Variants in RBFOX3 observed in about 807,000 individuals in gnomAD.
RBFOX3 encodes the protein RNA binding fox-1 homolog 3, also known as RNA binding protein fox-1 homolog 3.
In RBFOX3, 17 loss-of-function variants were observed where a neutral mutation model predicts 48.7. That is an observed-to-expected ratio of 0.35 (90% confidence interval 0.24 to 0.52). RBFOX3 has a LOEUF of 0.52. RBFOX3 is among the 20% of genes least tolerant of loss of function. The pLI is 0.94. For synonymous variants in RBFOX3, 212 were observed against 209.5 expected (o/e 1.01, Z -0.10); for missense variants, 382 against 497.5 (o/e 0.77, Z 2.21).
chr17:79,563,631 T>C (rs2092341548), intron 1 of RBFOX3, among the ~76,000 whole-genome samples: 1 of 152,226 alleles, frequency 6.6e-6, no homozygotes, highest in South Asian at 2.1e-4. Flanking sequence ...ACTCGTGAGA[T>C]GAGTTTCCTT....
chr17:79,573,640 G>A (rs1166747211), intron 1 of RBFOX3, among the ~76,000 whole-genome samples: 1 of 152,212 alleles, frequency 6.6e-6, no homozygotes, highest in Non-Finnish European at 1.5e-5. Flanking sequence ...GATTGCTGCT[G>A]AGAACCTCAT....
intron 2 of RBFOX3, among the ~76,000 whole-genome samples, chr17:79,462,880 G>A (rs905096910): frequency 1.3e-5 from 2 of 152,134 alleles, no homozygotes; most frequent in African/African-American, 4.8e-5. Flanking sequence ...CTTCTTCTGG[G>A]ACACTCTCAG....
intron 4 of RBFOX3, among the ~76,000 whole-genome samples, chr17:79,179,576 C>T (rs2051404714): frequency 6.6e-6 from 1 of 152,136 alleles, no homozygotes; most frequent in Admixed American, 6.5e-5. Flanking sequence ...ACTCACAGCC[C>T]TCTCCCCCGG....
chr17:79,438,727 G>A (rs1456155618), intron 2 of RBFOX3, among the ~76,000 whole-genome samples: 1 of 152,228 alleles, frequency 6.6e-6, no homozygotes, highest in Non-Finnish European at 1.5e-5. Flanking sequence ...ATCAGTTCCC[G>A]AGGGCACTCA....
intron 1 of RBFOX3, among the ~76,000 whole-genome samples, chr17:79,500,986 G>A (rs2082303440): frequency 1.3e-5 from 2 of 152,174 alleles, no homozygotes; most frequent in Non-Finnish European, 2.9e-5. Flanking sequence ...AATTTGCTGT[G>A]GAAATCACTG....
rs970978823 is a variant in RBFOX3 at position 79,252,938 on chromosome 17, C to T, written c.-73-17133G>A. ...CCGGCAAGCCCCAGCCCCCTAAACCCGCAGCCTTCTTTGCCGTCTACACTC... is the reference window on the plus strand; with the variant it reads ...CCGGCAAGCCCCAGCCCCCTAAACCTGCAGCCTTCTTTGCCGTCTACACTC... On this transcript the variant is annotated intron_variant, in intron 3 of 14. Coordinates refer to ENST00000693108, the MANE Select transcript of RBFOX3 (RefSeq NM_001350451.2). This position sits in a 1 kb window ranked among gnomAD's most constrained non-coding sequence, Gnocchi z 4.0. 4.6e-5 allele frequency among the ~76,000 whole-genome samples: 7 copies of T among 152,098 alleles called. No homozygotes were observed. Among genetic ancestry groups the T allele is most frequent in the East Asian group, 3.9e-4 (2 of 5,174 alleles).
chr17:79,129,472 C>T (rs1010172131), intron 4 of RBFOX3, among the ~76,000 whole-genome samples: 5 of 103,824 alleles, frequency 4.8e-5, no homozygotes, highest in Non-Finnish European at 1.2e-4. Flanking sequence ...ACAACGCTCT[C>T]TCCTTCCCCC....
At chr17:79,498,895 TC>T (rs2081994518) in intron 1 of RBFOX3, among the ~76,000 whole-genome samples, 1 of 145,174 alleles carries the variant, frequency 6.9e-6, no homozygotes, top group Non-Finnish European at 1.5e-5. Context: ...CATCCATCCA[TC>T]CATCCATCCA....
intron 4 of RBFOX3, among the ~76,000 whole-genome samples, chr17:79,192,694 T>TC (rs967576319): frequency 6.6e-6 from 1 of 152,078 alleles, no homozygotes; most frequent in African/African-American, 2.4e-5. Context: ...CAGGGACAGC[T>TC]CCAGCCAGAC....
intron 2 of RBFOX3, among the ~76,000 whole-genome samples, chr17:79,436,268 C>T (rs1344815401): frequency 6.6e-6 from 1 of 152,234 alleles, no homozygotes; most frequent in East Asian, 1.9e-4. Context: ...GGCAGCTGCT[C>T]TAAGGCAGTG....
the RBFOX3 span, among the ~76,000 whole-genome samples, chr17:79,645,868 G>A: frequency 6.6e-5 from 10 of 152,044 alleles, no homozygotes; most frequent in African/African-American, 2.4e-4. Context: ...CCATGGAGGG[G>A]CCCAGAACCA....
At chr17:79,318,018 GTC>G (rs1568031347) in intron 2 of RBFOX3, among the ~76,000 whole-genome samples, 5 of 152,114 alleles carry the variant, frequency 3.3e-5, no homozygotes, top group Non-Finnish European at 4.4e-5. Flanking sequence ...TAAAAAAACT[GTC>G]TGTGGATTGG....
chr17:79,464,904 G>A (rs554853594), intron 2 of RBFOX3, among the ~76,000 whole-genome samples: 1 of 152,326 alleles, frequency 6.6e-6, no homozygotes, highest in East Asian at 1.9e-4. Context: ...GAAGTCGGAT[G>A]GTCACTAACC....
intron 2 of RBFOX3, among the ~76,000 whole-genome samples, chr17:79,446,317 G>T (rs893133939): frequency 6.6e-6 from 1 of 152,206 alleles, no homozygotes; most frequent in Non-Finnish European, 1.5e-5. Flanking sequence ...GGACATGGCT[G>T]CCTTTCTCCT....
At chr17:79,117,698 C>T (rs1275567646) in intron 4 of RBFOX3, among the ~76,000 whole-genome samples, 1 of 152,228 alleles carries the variant, frequency 6.6e-6, no homozygotes, top group African/African-American at 2.4e-5. Flanking sequence ...TCCTCTGCAT[C>T]CTTCATTCAG....
intron 2 of RBFOX3, among the ~76,000 whole-genome samples, chr17:79,367,321 CTCT>C (rs966497926): frequency 2.7e-5 from 4 of 146,438 alleles, no homozygotes; most frequent in African/African-American, 7.6e-5. Flanking sequence ...CCTTCCCCTC[CTCT>C]TCTTCATTTC....
intron 1 of RBFOX3, among the ~76,000 whole-genome samples, chr17:79,554,638 T>C (rs1392070231): frequency 6.6e-6 from 1 of 152,250 alleles, no homozygotes; most frequent in Non-Finnish European, 1.5e-5. Context: ...TCCTGCTCAG[T>C]TCTGGATGTC....
At chr17:79,222,514 T>C (rs974427575) in intron 4 of RBFOX3, among the ~76,000 whole-genome samples, 1 of 152,202 alleles carries the variant, frequency 6.6e-6, no homozygotes, top group African/African-American at 2.4e-5. Context: ...CACAAGCCCC[T>C]GCACCTGAGA....
At chr17:79,278,836 C>G (rs1206277005) in intron 3 of RBFOX3, among the ~76,000 whole-genome samples, 4 of 152,198 alleles carry the variant, frequency 2.6e-5, no homozygotes, top group African/African-American at 4.8e-5. Flanking sequence ...ATCTCCTGGC[C>G]CAGCCCCTCC....
Sources: gnomAD v4.1 joint callset for allele counts (sites outside exome capture counted in the v4.1 genomes callset) on GRCh38, gnomAD v4.1.1 for gene constraint, Gnocchi (gnomAD v3.1) non-coding constraint, MANE v1.5 for transcripts, NCBI Gene and HGNC (gene_info 2026-07-23, HGNC 2026-07-21) for gene names.